The following ACKR3 variants were observed in gnomAD, a reference collection of about 807,000 sequenced individuals.
The protein encoded by ACKR3 is C-X-C chemokine receptor type 7.
In ACKR3, 6 loss-of-function variants were observed where a neutral mutation model predicts 22.4. That is an observed-to-expected ratio of 0.27 (90% CI 0.15 to 0.53). ACKR3 has a LOEUF of 0.53. ACKR3 is among the 20% of genes least tolerant of loss of function. ACKR3 has a pLI of 0.96. For missense variants in ACKR3, 396 were observed against 475.2 expected (o/e 0.83, Z 1.55); for synonymous variants, 209 against 205.2 (o/e 1.02, Z -0.16).
the ACKR3 span, among the ~76,000 whole-genome samples, chr2:236,544,267 C>T: frequency 2.0e-5 from 3 of 151,878 alleles, no homozygotes; most frequent in African/African-American, 7.3e-5. The surrounding 1 kb of genome is among the most constrained non-coding windows in gnomAD (Gnocchi z 5.0). Context: ...GGATTACAGG[C>T]GTGAGCCACC....
At chr2:236,549,737 G>A in the ACKR3 span, among the ~76,000 whole-genome samples, 1 of 152,186 alleles carries the variant, frequency 6.6e-6, no homozygotes, top group South Asian at 2.1e-4. This position sits in a 1 kb window ranked among gnomAD's most constrained non-coding sequence, Gnocchi z 5.3. Flanking sequence ...GAGCCACCAC[G>A]GACCTGCCCT....
the ACKR3 span, among the ~76,000 whole-genome samples, chr2:236,554,261 G>A: frequency 6.6e-6 from 1 of 152,208 alleles, no homozygotes; most frequent in Non-Finnish European, 1.5e-5. Context: ...AGGATCCAGA[G>A]GGAGCAATCA....
At chr2:236,575,477 C>T (rs868549238) in intron 1 of ACKR3, among the ~76,000 whole-genome samples, 1,719 of 65,162 alleles carry the variant, frequency 0.026, 97 homozygotes, top group African/African-American at 0.098. Flanking sequence ...GCTGTGTGTG[C>T]GTGTGTCTGG....
the ACKR3 span, among the ~76,000 whole-genome samples, chr2:236,561,195 G>A: frequency 6.6e-6 from 1 of 152,120 alleles, no homozygotes; most frequent in Non-Finnish European, 1.5e-5. Context: ...AAGTTTTGAT[G>A]TATAAATGTA....
chr2:236,572,856 A>C (rs986737913), intron 1 of ACKR3, among the ~76,000 whole-genome samples: 1 of 152,230 alleles, frequency 6.6e-6, no homozygotes, highest in Non-Finnish European at 1.5e-5. Flanking sequence ...CATGTGAAGT[A>C]TGTCTAAGGA....
intron 1 of ACKR3, among the ~76,000 whole-genome samples, chr2:236,575,594 CTG>C (rs1691396890): frequency 1.5e-5 from 1 of 68,372 alleles, no homozygotes; most frequent in Non-Finnish European, 2.6e-5. Flanking sequence ...GTGCGTGTGT[CTG>C]GGGTTGTGCT....
upstream of ACKR3, among the ~76,000 whole-genome samples, chr2:236,568,376 A>C (rs566298689): frequency 2.7e-4 from 41 of 152,348 alleles, no homozygotes; most frequent in Non-Finnish European, 5.4e-4. Flanking sequence ...AAGTCAGGAC[A>C]CGTATGCTGT....
chr2:236,571,168 T>A (rs943586440), intron 1 of ACKR3, among the ~76,000 whole-genome samples: 1 of 152,242 alleles, frequency 6.6e-6, no homozygotes, highest in African/African-American at 2.4e-5. Flanking sequence ...CTTGCCCTTC[T>A]TTCATCAGAA....
the ACKR3 span, among the ~76,000 whole-genome samples, chr2:236,544,749 T>C: frequency 6.6e-6 from 1 of 152,146 alleles, no homozygotes; most frequent in African/African-American, 2.4e-5. The surrounding 1 kb of genome is among the most constrained non-coding windows in gnomAD (Gnocchi z 5.0). Context: ...AGGGGGATAA[T>C]GACTGGCTCA....
the ACKR3 span, among the ~76,000 whole-genome samples, chr2:236,552,799 C>T: frequency 2.1e-5 from 3 of 144,154 alleles, no homozygotes; most frequent in Admixed American, 6.9e-5. Context: ...ACCCCAGGGC[C>T]GAGAAGTAGG....
chr2:236,578,889 A>G (rs915325891), intron 1 of ACKR3, among the ~76,000 whole-genome samples: 2 of 152,338 alleles, frequency 1.3e-5, no homozygotes, highest in East Asian at 1.9e-4. Flanking sequence ...CCGCTCCCTT[A>G]GGTGGGAGAA....
At position 236,580,662 on chromosome 2, in the gene ACKR3, T is replaced by G; in HGVS notation, c.197T>G (p.Val66Gly). 6.2e-7 allele frequency: 1 copy of G among 1,614,170 alleles called. No individual in the cohort carries two copies. Among genetic ancestry groups the G allele is most frequent in the Non-Finnish European group, 8.5e-7 (1 of 1,180,006 alleles). Residue 66 changes from valine to glycine, a missense_variant, in exon 2 of 2, where the codon GTC becomes GGC. Coordinates refer to ENST00000272928, the MANE Select transcript of ACKR3 (RefSeq NM_020311.3). Reference protein sequence around the residue: ...VIGMIANSVVVWVNIQAKTTG... With the variant: ...VIGMIANSVVGWVNIQAKTTG... ...GGCATGATTGCCAACTCCGTGGTGG[T>G]CTGGGTGAATATCCAGGCCAAGACC...
chr2:236,555,824 A>G, the ACKR3 span, among the ~76,000 whole-genome samples: 1 of 122,454 alleles, frequency 8.2e-6, no homozygotes, highest in African/African-American at 4.1e-5. Context: ...TTAAAGGAAA[A>G]AAAAAAAAAA....
chr2:236,557,253 C>CGTGTGT, the ACKR3 span, among the ~76,000 whole-genome samples: 58 of 139,992 alleles, frequency 4.1e-4, no homozygotes, highest in African/African-American at 1.7e-3. Flanking sequence ...TTCATGTGAA[C>CGTGTGT]GTATGTGTGT....
the ACKR3 span, among the ~76,000 whole-genome samples, chr2:236,540,356 G>GT: frequency 5.2e-3 from 753 of 145,282 alleles, 5 homozygotes; most frequent in Middle Eastern, 0.021. Flanking sequence ...TCTTTTGTCT[G>GT]TTTTTTTTTT....
the ACKR3 span, among the ~76,000 whole-genome samples, chr2:236,550,531 C>A: frequency 1.3e-5 from 2 of 152,156 alleles, no homozygotes; most frequent in Admixed American, 6.5e-5. The surrounding 1 kb of genome is among the most constrained non-coding windows in gnomAD (Gnocchi z 4.6). Context: ...GGTAGGTGGT[C>A]TGCACCAAGG....
At chr2:236,579,352 G>T (rs1691475266) in intron 1 of ACKR3, among the ~76,000 whole-genome samples, 1 of 152,212 alleles carries the variant, frequency 6.6e-6, no homozygotes, top group Non-Finnish European at 1.5e-5. Context: ...TGCATCCTTG[G>T]GCTGAGGTTT....
rs1255905833 is a variant in ACKR3 at position 236,581,170 on chromosome 2, G to T, written c.705G>T (p.Leu235=). 6.2e-7 allele frequency: 1 copy of T among 1,613,786 alleles called. No individual in the cohort carries two copies. Among genetic ancestry groups the T allele is most frequent in the Non-Finnish European group, 8.5e-7 (1 of 1,179,724 alleles). ...FSIIAVFYFL[L]ARAISASSDQ... Reference sequence around the variant, plus strand: ...TTATCGCTGTCTTCTACTTCCTGCTGGCCAGAGCCATCTCGGCGTCCAGTG... The same window carrying T: ...TTATCGCTGTCTTCTACTTCCTGCTTGCCAGAGCCATCTCGGCGTCCAGTG... The change falls in exon 2 of 2, where the codon CTG becomes CTT. Residue 235 remains leucine (L), a synonymous_variant. Coordinates refer to ENST00000272928, the MANE Select transcript of ACKR3 (RefSeq NM_020311.3). This position sits in a 1 kb window ranked among gnomAD's most constrained non-coding sequence, Gnocchi z 4.4.
At chr2:236,537,763 C>A in the ACKR3 span, among the ~76,000 whole-genome samples, 2 of 152,348 alleles carry the variant, frequency 1.3e-5, no homozygotes, top group Admixed American at 1.3e-4. Flanking sequence ...GAAAATGTGT[C>A]CCAGCTTCAT....
Sources: allele counts gnomAD v4.1 joint callset (sites outside exome capture counted in the v4.1 genomes callset), GRCh38; gene constraint gnomAD v4.1.1; non-coding constraint Gnocchi (gnomAD v3.1); transcripts MANE v1.5; gene names NCBI Gene and HGNC (gene_info 2026-07-23, HGNC 2026-07-21).